SLCO3A1: variants seen among roughly 807,000 people sequenced by gnomAD.
SLCO3A1 encodes the protein solute carrier organic anion transporter family member 3A1, also known as PGE1 transporter.
Under a neutral mutation model 63.1 loss-of-function variants are expected in SLCO3A1, and 27 were observed. That is an observed-to-expected ratio of 0.43 (90% CI 0.32 to 0.59). The LOEUF (loss-of-function observed/expected upper bound fraction) is 0.59, where lower values mean the gene tolerates loss of function less well. Among genes scored for constraint, SLCO3A1 ranks in the 20% least tolerant of loss-of-function variants. SLCO3A1 has a pLI of 0.09. For synonymous variants in SLCO3A1, 473 were observed against 409.9 expected, an observed-to-expected ratio of 1.15 and a Z score of -1.86; for missense variants, 773 against 945.8, an observed-to-expected ratio of 0.82 and a Z score of 2.40.
intron 2 of SLCO3A1, among the ~76,000 whole-genome samples, chr15:92,059,929 A>C (rs185784656): frequency 3.2e-4 from 48 of 152,336 alleles, no homozygotes; most frequent in Admixed American, 2.3e-3. Flanking sequence ...GGTGTATCCT[A>C]CCGTACACCT....
intron 2 of SLCO3A1, among the ~76,000 whole-genome samples, chr15:92,081,907 C>T (rs967644845): frequency 2.0e-5 from 3 of 152,148 alleles, no homozygotes; most frequent in Non-Finnish European, 4.4e-5. Flanking sequence ...CAGTTTGAGC[C>T]CCATTGATGT....
chr15:91,889,114 C>T (rs1401178062), intron 1 of SLCO3A1: 1 of 1,247,406 alleles, frequency 8.0e-7, no homozygotes, highest in Non-Finnish European at 1.0e-6. Flanking sequence ...AAATATATTC[C>T]AGCTAAGTGG....
chr15:92,109,479 C>T (rs2047703732), intron 4 of SLCO3A1, among the ~76,000 whole-genome samples: 1 of 152,304 alleles, frequency 6.6e-6, no homozygotes, highest in Admixed American at 6.5e-5. Flanking sequence ...CTCCCTGCAA[C>T]CATTGGCCTG....
chr15:92,065,223 C>T (rs1260695908), intron 2 of SLCO3A1, among the ~76,000 whole-genome samples: 1 of 152,150 alleles, frequency 6.6e-6, no homozygotes, highest in Non-Finnish European at 1.5e-5. Context: ...GCTGGGACTA[C>T]AGGCGTGTGC....
chr15:91,924,336 G>A (rs1898942944), intron 2 of SLCO3A1, among the ~76,000 whole-genome samples: 1 of 152,136 alleles, frequency 6.6e-6, no homozygotes, highest in South Asian at 2.1e-4. Flanking sequence ...TTTTTCAAGA[G>A]GATTGAGTTG....
intron 2 of SLCO3A1, among the ~76,000 whole-genome samples, chr15:91,975,374 TC>T (rs1414554276): frequency 6.6e-6 from 1 of 152,186 alleles, no homozygotes; most frequent in East Asian, 1.9e-4. Flanking sequence ...ACATGCAGTG[TC>T]CCCTGCAGTT....
chr15:92,040,742 G>C (rs1445758344), intron 2 of SLCO3A1, among the ~76,000 whole-genome samples: 1 of 152,160 alleles, frequency 6.6e-6, no homozygotes, highest in Non-Finnish European at 1.5e-5. Flanking sequence ...GGTCAGGTGA[G>C]GTGGTTCTGA....
chr15:92,066,500 A>G lies in SLCO3A1; in HGVS notation c.647-28381A>G, dbSNP rs144781733. ...CTTCTGAGAAATGCAAAACCTGAAC[A>G]CTCTTGAACAAGACATATCTGGTTT... On this transcript the variant is annotated intron_variant, in intron 2 of 9. Coordinates refer to ENST00000318445, the MANE Select transcript of SLCO3A1 (RefSeq NM_013272.4). 2.0e-3 allele frequency among the ~76,000 whole-genome samples: 302 copies of G among 152,272 alleles called. 2 individuals are homozygous for G. Among genetic ancestry groups the G allele is most frequent in the South Asian group, 0.019 (91 of 4,824 alleles).
At chr15:92,122,786 A>T (rs963600697) in intron 5 of SLCO3A1, among the ~76,000 whole-genome samples, 1 of 152,254 alleles carries the variant, frequency 6.6e-6, no homozygotes, top group East Asian at 1.9e-4. Flanking sequence ...TGGATAAATT[A>T]TAGAATGTTC....
intron 2 of SLCO3A1, among the ~76,000 whole-genome samples, chr15:91,970,225 G>C (rs1900809997): frequency 6.6e-6 from 1 of 152,234 alleles, no homozygotes. Context: ...AGTATGTTCT[G>C]AACTAATATT....
chr15:92,117,676 C>T (rs1473075182), intron 4 of SLCO3A1, among the ~76,000 whole-genome samples: 2 of 152,120 alleles, frequency 1.3e-5, no homozygotes, highest in African/African-American at 2.4e-5. Flanking sequence ...GTGGCATGGC[C>T]GACAGGTCTC....
At chr15:92,001,692 C>T (rs2046256444) in intron 2 of SLCO3A1, among the ~76,000 whole-genome samples, 1 of 152,152 alleles carries the variant, frequency 6.6e-6, no homozygotes, top group Non-Finnish European at 1.5e-5. Flanking sequence ...GGTTTCCATT[C>T]TTAGAATGTT....
At chr15:91,855,046 A>T (rs1444925526) in intron 1 of SLCO3A1, among the ~76,000 whole-genome samples, 1 of 152,178 alleles carries the variant, frequency 6.6e-6, no homozygotes, top group Non-Finnish European at 1.5e-5. Context: ...TTGAGAGTTT[A>T]TAGTGTTAAA....
intron 9 of SLCO3A1, among the ~76,000 whole-genome samples, chr15:92,159,109 G>A (rs1434242747): frequency 6.6e-6 from 1 of 152,178 alleles, no homozygotes; most frequent in African/African-American, 2.4e-5. Context: ...ACCAGGCAGG[G>A]TGGTATTAAC....
At chr15:91,926,798 G>C (rs1300125959) in intron 2 of SLCO3A1, among the ~76,000 whole-genome samples, 1 of 151,990 alleles carries the variant, frequency 6.6e-6, no homozygotes, top group South Asian at 2.1e-4. Flanking sequence ...TGCGGGAGTC[G>C]GGGCCATAAC....
At chr15:91,977,957 A>G (rs937506114) in intron 2 of SLCO3A1, among the ~76,000 whole-genome samples, 1 of 152,216 alleles carries the variant, frequency 6.6e-6, no homozygotes, top group Admixed American at 6.5e-5. Context: ...TGAACCTTGC[A>G]TGGGTCCAGG....
At chr15:92,069,647 G>C (rs2047192543) in intron 2 of SLCO3A1, among the ~76,000 whole-genome samples, 2 of 152,186 alleles carry the variant, frequency 1.3e-5, no homozygotes, top group Admixed American at 1.3e-4. Flanking sequence ...AGGGATCCCA[G>C]AATGAGAGCT....
At chr15:92,038,876 A>C (rs966669264) in intron 2 of SLCO3A1, among the ~76,000 whole-genome samples, 2 of 152,244 alleles carry the variant, frequency 1.3e-5, no homozygotes, top group Non-Finnish European at 2.9e-5. Flanking sequence ...ACGGTAACCA[A>C]AACAGCATGG....
At chr15:92,015,940 CA>C (rs1449185135) in intron 2 of SLCO3A1, among the ~76,000 whole-genome samples, 1 of 152,118 alleles carries the variant, frequency 6.6e-6, no homozygotes, top group East Asian at 1.9e-4. Flanking sequence ...AAATAAGGTA[CA>C]AATGATTTGG....
Sources: gnomAD v4.1 joint callset for allele counts (sites outside exome capture counted in the v4.1 genomes callset) on GRCh38, gnomAD v4.1.1 for gene constraint, MANE v1.5 for transcripts, NCBI Gene and HGNC (gene_info 2026-07-23, HGNC 2026-07-21) for gene names.